Variants in GRXCR1 observed in about 807,000 individuals in gnomAD.
GRXCR1 encodes glutaredoxin domain-containing cysteine-rich protein 1.
In GRXCR1, 27 loss-of-function variants were observed where a neutral mutation model predicts 27.3. The observed-to-expected ratio is 0.99, with a 90% CI of 0.73 to 1.37. GRXCR1 has a LOEUF of 1.37. GRXCR1 is among the 40% of genes most tolerant of loss of function. The pLI, the probability that GRXCR1 is intolerant of heterozygous loss-of-function variation, is 0.00. For missense variants in GRXCR1, 379 were observed against 354.4 expected (o/e 1.07, Z -0.56); for synonymous variants, 122 against 131.1 (o/e 0.93, Z 0.47).
intron 1 of GRXCR1, among the ~76,000 whole-genome samples, chr4:42,905,966 TTTGGCTCACA>T (rs1746579877): frequency 6.6e-6 from 1 of 152,172 alleles, no homozygotes; most frequent in South Asian, 2.1e-4. Flanking sequence ...TTGTATGTAA[TTTGGCTCACA>T]TTGGGTCATG....
At chr4:43,019,820 T>G (rs1032873290) in intron 2 of GRXCR1, among the ~76,000 whole-genome samples, 4 of 152,110 alleles carry the variant, frequency 2.6e-5, no homozygotes, top group African/African-American at 9.7e-5. Flanking sequence ...AATAATAGAG[T>G]CTGCTACGGC....
intron 3 of GRXCR1, among the ~76,000 whole-genome samples, chr4:43,029,479 G>A (rs1393436967): frequency 5.9e-5 from 9 of 152,102 alleles, no homozygotes; most frequent in Admixed American, 5.9e-4. Context: ...TATTCATTCT[G>A]TAATGGCACC....
intron 1 of GRXCR1, among the ~76,000 whole-genome samples, chr4:42,902,507 C>G (rs1288982136): frequency 6.6e-6 from 1 of 150,552 alleles, no homozygotes; most frequent in African/African-American, 2.4e-5. Flanking sequence ...ATATGTACCA[C>G]ATTTTCTTTA....
At chr4:42,981,259 T>G (rs986624454) in intron 2 of GRXCR1, among the ~76,000 whole-genome samples, 1 of 152,072 alleles carries the variant, frequency 6.6e-6, no homozygotes, top group Non-Finnish European at 1.5e-5. Context: ...AAAAAACATC[T>G]TATTTTTATA....
chr4:42,934,581 C>A (rs1011107644), intron 1 of GRXCR1, among the ~76,000 whole-genome samples: 1 of 151,888 alleles, frequency 6.6e-6, no homozygotes, highest in Non-Finnish European at 1.5e-5. Flanking sequence ...TAACAGAATG[C>A]TACACATTTC....
chr4:42,911,456 G>T lies in GRXCR1; in HGVS notation c.384+17806G>T, dbSNP rs570569809. 2.6e-5 allele frequency among the ~76,000 whole-genome samples: 4 copies of T among 152,190 alleles called. No individual in the cohort carries two copies. The South Asian group carries it at 8.3e-4, about 32-fold the overall frequency. On this transcript the variant is annotated intron_variant, in intron 1 of 3. Transcript: ENST00000399770. ...ATCAAACGATGAATAAGAATAAAAG[G>T]GGGAAATACACTGCAATATGAAATA...
chr4:43,016,657 G>A (rs1376856811), intron 2 of GRXCR1, among the ~76,000 whole-genome samples: 2 of 142,832 alleles, frequency 1.4e-5, no homozygotes, highest in Admixed American at 1.4e-4. Context: ...GTGTGTGTGT[G>A]CATGTGTGGC....
intron 1 of GRXCR1, among the ~76,000 whole-genome samples, chr4:42,947,647 C>T (rs1300235758): frequency 6.6e-6 from 1 of 152,088 alleles, no homozygotes; most frequent in Non-Finnish European, 1.5e-5. Flanking sequence ...TCTCCAAAAT[C>T]TAATAATTAG....
chr4:42,955,229 A>T (rs1747970991), intron 1 of GRXCR1, among the ~76,000 whole-genome samples: 1 of 152,114 alleles, frequency 6.6e-6, no homozygotes, highest in Non-Finnish European at 1.5e-5. Flanking sequence ...TGTATAGGAA[A>T]AAATATCTCT....
chr4:42,940,167 T>G (rs1257149731), intron 1 of GRXCR1, among the ~76,000 whole-genome samples: 4 of 152,012 alleles, frequency 2.6e-5, no homozygotes, highest in Non-Finnish European at 5.9e-5. Context: ...GGTAAAACCC[T>G]GGAATTAAAG....
At chr4:42,986,521 G>T (rs1711728710) in intron 2 of GRXCR1, among the ~76,000 whole-genome samples, 1 of 152,186 alleles carries the variant, frequency 6.6e-6, no homozygotes, top group African/African-American at 2.4e-5. Context: ...GTGCCCTGGA[G>T]ATTTCTTCAA....
At chr4:42,968,434 A>G (rs1469986396) in intron 2 of GRXCR1, among the ~76,000 whole-genome samples, 2 of 152,154 alleles carry the variant, frequency 1.3e-5, no homozygotes, top group Non-Finnish European at 2.9e-5. Flanking sequence ...AATTACATTC[A>G]TTTCTGAGTA....
intron 2 of GRXCR1, among the ~76,000 whole-genome samples, chr4:42,983,042 G>A (rs1208372817): frequency 5.3e-4 from 80 of 151,858 alleles, no homozygotes; most frequent in South Asian, 1.5e-3. Context: ...TTTGCTGTGC[G>A]GAAGCTCTTT....
At chr4:42,968,575 A>G (rs1302295479) in intron 2 of GRXCR1, among the ~76,000 whole-genome samples, 1 of 152,124 alleles carries the variant, frequency 6.6e-6, no homozygotes, top group Non-Finnish European at 1.5e-5. Context: ...ATAAAGTTTT[A>G]TGATACAATC....
intron 2 of GRXCR1, among the ~76,000 whole-genome samples, chr4:43,002,730 G>A (rs903554714): frequency 2.6e-5 from 4 of 151,238 alleles, no homozygotes; most frequent in African/African-American, 9.7e-5. Context: ...CCTTCTTCCT[G>A]TACCCTTTTA....
chr4:42,998,451 A>T (rs1306935987), intron 2 of GRXCR1, among the ~76,000 whole-genome samples: 1 of 152,240 alleles, frequency 6.6e-6, no homozygotes, highest in Non-Finnish European at 1.5e-5. Flanking sequence ...CTGGAAAATA[A>T]TAGAAAATAT....
intron 1 of GRXCR1, among the ~76,000 whole-genome samples, chr4:42,945,903 G>A (rs576741263): frequency 2.0e-5 from 3 of 152,038 alleles, no homozygotes; most frequent in Non-Finnish European, 4.4e-5. Context: ...TTAAACTACC[G>A]CATTATTTCC....
intron 1 of GRXCR1, among the ~76,000 whole-genome samples, chr4:42,925,319 A>C (rs1560651517): frequency 6.6e-6 from 1 of 152,030 alleles, no homozygotes; most frequent in Non-Finnish European, 1.5e-5. Flanking sequence ...TGGAAGTAGG[A>C]TGTTCCAACA....
At chr4:42,963,771 G>T (rs556037422) in intron 2 of GRXCR1, among the ~76,000 whole-genome samples, 1 of 152,076 alleles carries the variant, frequency 6.6e-6, no homozygotes, top group African/African-American at 2.4e-5. Context: ...TCCTGTGGAA[G>T]AAGCCCACAG....
Sources: gnomAD v4.1 joint callset for allele counts (sites outside exome capture counted in the v4.1 genomes callset) on GRCh38, gnomAD v4.1.1 for gene constraint, MANE v1.5 for transcripts, NCBI Gene and HGNC (gene_info 2026-07-23, HGNC 2026-07-21) for gene names.